Variants in TANC2 observed in about 807,000 individuals in gnomAD.
TANC2 encodes the protein protein TANC2.
TANC2 carries 26 observed loss-of-function variants against 210.5 expected under a neutral mutation model. That is an observed-to-expected ratio of 0.12 (90% CI 0.09 to 0.17). TANC2 has a LOEUF of 0.17. TANC2 is among the 10% of genes least tolerant of loss of function. The pLI is 1.00. For missense variants in TANC2, 2,129 were observed against 2,608.9 expected (o/e 0.82, Z 4.01); for synonymous variants, 931 against 967.1 (o/e 0.96, Z 0.69).
intron 9 of TANC2, among the ~76,000 whole-genome samples, chr17:63,271,022 A>G (rs1345143316): frequency 6.6e-6 from 1 of 152,132 alleles, no homozygotes; most frequent in Non-Finnish European, 1.5e-5. Context: ...GCTTCATGGT[A>G]TTCCATGGTG....
At chr17:63,190,359 C>G (rs1298428578) in intron 5 of TANC2, among the ~76,000 whole-genome samples, 3 of 151,792 alleles carry the variant, frequency 2.0e-5, no homozygotes. Flanking sequence ...AAAAAAAGAT[C>G]AATTGACCAT....
chr17:63,131,316 T>G (rs1345741532), intron 4 of TANC2, among the ~76,000 whole-genome samples: 1 of 152,156 alleles, frequency 6.6e-6, no homozygotes, highest in Non-Finnish European at 1.5e-5. Flanking sequence ...AATCTAGACT[T>G]TAAAAATTGT....
At chr17:63,097,319 T>C (rs1054641919) in intron 3 of TANC2, among the ~76,000 whole-genome samples, 6 of 152,158 alleles carry the variant, frequency 3.9e-5, no homozygotes, top group African/African-American at 1.4e-4. Context: ...AGTCTTGGGA[T>C]TATAGGCATG....
At chr17:63,092,653 C>G (rs928540725) in intron 3 of TANC2, among the ~76,000 whole-genome samples, 1 of 151,940 alleles carries the variant, frequency 6.6e-6, no homozygotes, top group Non-Finnish European at 1.5e-5. Flanking sequence ...GGGGAAGCCA[C>G]CTTCTCACAT....
intron 4 of TANC2, among the ~76,000 whole-genome samples, chr17:63,115,835 GAGT>G (rs2038228880): frequency 6.6e-6 from 1 of 152,190 alleles, no homozygotes; most frequent in South Asian, 2.1e-4. Context: ...CAGTGGGTCA[GAGT>G]AGTTAGGTGC....
intron 11 of TANC2, among the ~76,000 whole-genome samples, chr17:63,339,542 T>C (rs996559898): frequency 1.3e-5 from 2 of 152,226 alleles, no homozygotes; most frequent in African/African-American, 4.8e-5. Flanking sequence ...CTGATACTCT[T>C]TTTCTGTCTC....
chr17:63,115,199 C>T (rs868637299), intron 4 of TANC2, among the ~76,000 whole-genome samples: 3 of 152,262 alleles, frequency 2.0e-5, no homozygotes, highest in Middle Eastern at 3.4e-3. Context: ...AAAAAACTTA[C>T]TAGGTAGAAG....
chr17:63,294,603 A>G (rs1048505681), intron 9 of TANC2, among the ~76,000 whole-genome samples: 1 of 152,246 alleles, frequency 6.6e-6, no homozygotes, highest in African/African-American at 2.4e-5. Flanking sequence ...AAAATGGAAG[A>G]ATTTTACAAC....
At chr17:63,306,438 A>G (rs1023440065) in intron 9 of TANC2, among the ~76,000 whole-genome samples, 2 of 152,214 alleles carry the variant, frequency 1.3e-5, no homozygotes, top group African/African-American at 4.8e-5. Flanking sequence ...ATATTCATTC[A>G]TTCAACAAAT....
intron 7 of TANC2, among the ~76,000 whole-genome samples, chr17:63,226,021 A>C (rs1280493338): frequency 6.6e-6 from 1 of 152,200 alleles, no homozygotes; most frequent in Non-Finnish European, 1.5e-5. Flanking sequence ...CACACTTGTC[A>C]CCACCTTGAA....
chr17:63,355,924 A>G (rs1002302329), intron 14 of TANC2, among the ~76,000 whole-genome samples: 1 of 152,198 alleles, frequency 6.6e-6, no homozygotes, highest in African/African-American at 2.4e-5. Context: ...CAGCTGGTCT[A>G]TCCATGCTGC....
At position 63,053,734 on chromosome 17, in the gene TANC2, A is replaced by G. The variant is rs577466753; in HGVS notation, c.68-20209A>G. On this transcript the variant is annotated intron_variant, in intron 2 of 27. Coordinates refer to ENST00000689528, the Ensembl canonical transcript of TANC2. Reference sequence around the variant, plus strand: ...AAACTGAACTCCGCATAGTCTCCTCATCCCCAAATCAGTTCTTTTGCAGTC... The same window carrying G: ...AAACTGAACTCCGCATAGTCTCCTCGTCCCCAAATCAGTTCTTTTGCAGTC... 5.3e-5 allele frequency among the ~76,000 whole-genome samples: 8 copies of G among 152,352 alleles called. No individual in the cohort carries two copies. The South Asian group carries it at 1.7e-3, about 32-fold the overall frequency.
chr17:63,189,537 T>C (rs985743248), intron 5 of TANC2, among the ~76,000 whole-genome samples: 2 of 152,232 alleles, frequency 1.3e-5, no homozygotes, highest in African/African-American at 4.8e-5. Context: ...ATGTACTTAT[T>C]GACCATTTGT....
At chr17:63,097,885 C>A (rs2037448525) in intron 3 of TANC2, among the ~76,000 whole-genome samples, 1 of 152,144 alleles carries the variant, frequency 6.6e-6, no homozygotes, top group South Asian at 2.1e-4. Flanking sequence ...CTCCATTCAT[C>A]ATTTTAATGT....
Position 63,340,271 on chromosome 17 carries a change from T to G in TANC2, c.1746T>G (p.Val582=), listed in dbSNP as rs2046183697. 4 of 1,613,816 alleles carry G rather than the reference T, an allele frequency of 2.5e-6. No individual in the cohort carries two copies. In the African/African-American group the frequency reaches 5.3e-5, roughly 22 times the overall value. The change falls in exon 12 of 28, where the codon GTT becomes GTG. Residue 582 remains valine, a synonymous_variant. Coordinates refer to ENST00000689528, the Ensembl canonical transcript of TANC2. The stretch of plus-strand genomic sequence containing the variant: ...GCATGCTGAGCCTTCGTTCCTGTGT[T>G]CAAGACCCCATGGCCTCCTTCCGGA...
intron 7 of TANC2, among the ~76,000 whole-genome samples, chr17:63,201,227 A>G (rs181843953): frequency 6.6e-6 from 1 of 152,248 alleles, no homozygotes; most frequent in Admixed American, 6.5e-5. Context: ...CTTCCTGTAA[A>G]TGCACGTACA....
intron 4 of TANC2, among the ~76,000 whole-genome samples, chr17:63,103,050 A>G (rs185755353): frequency 6.6e-5 from 10 of 152,240 alleles, no homozygotes; most frequent in Admixed American, 2.6e-4. Flanking sequence ...GGATTTGAGC[A>G]TAATCCAAGG....
intron 2 of TANC2, among the ~76,000 whole-genome samples, chr17:63,020,215 A>T (rs1239131729): frequency 2.0e-5 from 3 of 152,252 alleles, no homozygotes; most frequent in Admixed American, 1.3e-4. Context: ...GGTGTAAGCC[A>T]CTGTATAGTT....
chr17:63,214,770 C>T (rs897422874), intron 7 of TANC2, among the ~76,000 whole-genome samples: 1 of 152,192 alleles, frequency 6.6e-6, no homozygotes, highest in African/African-American at 2.4e-5. Context: ...TGCTGGGGGA[C>T]ACAAACATTC....
Sources: gnomAD v4.1 joint callset for allele counts (sites outside exome capture counted in the v4.1 genomes callset) on GRCh38, gnomAD v4.1.1 for gene constraint, MANE v1.5 for transcripts, NCBI Gene and HGNC (gene_info 2026-07-23, HGNC 2026-07-21) for gene names.